CRACD: variants seen among roughly 807,000 people sequenced by gnomAD.
CRACD encodes the protein capping protein inhibiting regulator of actin dynamics.
CRACD carries 56 observed loss-of-function variants against 106.8 expected under a neutral mutation model. That is an observed-to-expected ratio of 0.52 (90% CI 0.42 to 0.66). The LOEUF is 0.66. Ranked by LOEUF, CRACD falls within the 30% of genes least tolerant of loss-of-function variation. The pLI is 0.00. For synonymous variants in CRACD, 754 were observed against 670.8 expected (o/e 1.12, Z -1.92); for missense variants, 1,730 against 1,623.2 (o/e 1.07, Z -1.13).
chr4:56,136,472 A>G (rs1438880000), intron 1 of CRACD, among the ~76,000 whole-genome samples: 1 of 152,140 alleles, frequency 6.6e-6, no homozygotes, highest in African/African-American at 2.4e-5. Flanking sequence ...GTGTCATGGT[A>G]TCTTTTGTGA....
chr4:56,209,825 A>G (rs1193674453), intron 2 of CRACD, among the ~76,000 whole-genome samples: 1 of 152,128 alleles, frequency 6.6e-6, no homozygotes, highest in East Asian at 1.9e-4. Flanking sequence ...GGACACAGGT[A>G]CCCTCCCTAA....
intron 2 of CRACD, among the ~76,000 whole-genome samples, chr4:56,236,646 G>A (rs1739984010): frequency 1.3e-5 from 2 of 151,956 alleles, no homozygotes; most frequent in South Asian, 2.1e-4. Context: ...ACAGGGTGGA[G>A]GGAAGGAAAC....
intron 4 of CRACD, among the ~76,000 whole-genome samples, chr4:56,302,344 T>C (rs1269409803): frequency 6.6e-6 from 1 of 152,182 alleles, no homozygotes; most frequent in Non-Finnish European, 1.5e-5. Context: ...GTGAGGTATG[T>C]ACCAACTGGT....
chr4:56,065,290 A>G (rs558879821), intron 1 of CRACD, among the ~76,000 whole-genome samples: 1 of 151,888 alleles, frequency 6.6e-6, no homozygotes, highest in African/African-American at 2.4e-5. Flanking sequence ...GTTTCACCAT[A>G]TTGGTCAGGC....
At chr4:56,203,750 C>T (rs1053685037) in intron 2 of CRACD, among the ~76,000 whole-genome samples, 8 of 152,168 alleles carry the variant, frequency 5.3e-5, no homozygotes, top group African/African-American at 1.2e-4. Flanking sequence ...ACTTTGGGAC[C>T]GCATTGATTC....
intron 2 of CRACD, among the ~76,000 whole-genome samples, chr4:56,186,516 A>G (rs1737101510): frequency 1.3e-5 from 2 of 152,210 alleles, no homozygotes; most frequent in African/African-American, 4.8e-5. Context: ...AAGAAATAGC[A>G]GAGAGATGGG....
chr4:56,211,415 G>T (rs1738399995), intron 2 of CRACD, among the ~76,000 whole-genome samples: 1 of 152,356 alleles, frequency 6.6e-6, no homozygotes, highest in South Asian at 2.1e-4. Flanking sequence ...CCTGGCTTGT[G>T]CACCAGCTCA....
Position 56,328,183 on chromosome 4 carries a change from A to T in CRACD, c.*379A>T, listed in dbSNP as rs1746586776. 7.4e-6 allele frequency: 3 copies of T among 407,270 alleles called. No individual in the cohort carries two copies. The highest frequency in any genetic ancestry group is 3.1e-5 in the Admixed American group (1 of 32,660). The allele number at this position is 407,270 out of a possible 1,614,324, so 25.2% of individuals were successfully genotyped here. On this transcript the variant is annotated 3_prime_UTR_variant, in exon 11 of 11. Coordinates refer to ENST00000682029, the MANE Select transcript of CRACD (RefSeq NM_001393381.1). The stretch of plus-strand genomic sequence containing the variant: ...CCTTTGGTAATGGTTTTTTGATTCT[A>T]TGCACTAATTTTCTTTGTCCAAAAC...
At chr4:56,309,006 G>A (rs1160447960) in intron 5 of CRACD, 2 of 688,326 alleles carry the variant, frequency 2.9e-6, no homozygotes, top group Non-Finnish European at 4.5e-6. Context: ...ACCCTAATGA[G>A]AGGGTGTAAC....
At chr4:56,227,290 A>T (rs753250) in intron 2 of CRACD, among the ~76,000 whole-genome samples, 1 of 151,954 alleles carries the variant, frequency 6.6e-6, no homozygotes, top group Non-Finnish European at 1.5e-5. Context: ...TCTTCTGAAC[A>T]TGAACATTAT....
intron 1 of CRACD, among the ~76,000 whole-genome samples, chr4:56,130,175 G>A (rs1470624327): frequency 1.3e-5 from 2 of 152,132 alleles, no homozygotes; most frequent in Admixed American, 6.5e-5. Flanking sequence ...GGAGGCTGAG[G>A]TGGGAGGATT....
At chr4:56,275,891 G>C (rs1387109758) in intron 3 of CRACD, among the ~76,000 whole-genome samples, 3 of 152,180 alleles carry the variant, frequency 2.0e-5, no homozygotes, top group African/African-American at 7.2e-5. Flanking sequence ...TGCCCACAAA[G>C]GTTGAGGCCA....
intron 1 of CRACD, among the ~76,000 whole-genome samples, chr4:56,146,120 C>T (rs1735369632): frequency 6.6e-6 from 1 of 152,124 alleles, no homozygotes; most frequent in African/African-American, 2.4e-5. Context: ...AATTTCTGAA[C>T]AAGCTGTCAT....
intron 2 of CRACD, among the ~76,000 whole-genome samples, chr4:56,193,192 T>C (rs1159502688): frequency 6.6e-6 from 1 of 152,114 alleles, no homozygotes; most frequent in Non-Finnish European, 1.5e-5. Flanking sequence ...AACCATCAGA[T>C]CTCGTGAGAC....
At chr4:56,165,357 T>G (rs1736105243) in intron 1 of CRACD, among the ~76,000 whole-genome samples, 1 of 152,158 alleles carries the variant, frequency 6.6e-6, no homozygotes, top group African/African-American at 2.4e-5. Context: ...CAGCTCTCAT[T>G]TATTAAGTGC....
At chr4:56,290,098 G>A (rs1743620163) in intron 3 of CRACD, among the ~76,000 whole-genome samples, 1 of 152,220 alleles carries the variant, frequency 6.6e-6, no homozygotes, top group Admixed American at 6.5e-5. Context: ...CACTAGAGAT[G>A]TGAAGAGCAG....
Position 56,315,551 on chromosome 4 carries a change from G to A in CRACD, c.2049G>A (p.Pro683=), listed in dbSNP as rs183317269. 20 of 1,614,112 alleles carry A rather than the reference G, an allele frequency of 1.2e-5. No homozygotes were observed. Among genetic ancestry groups the A allele is most frequent in the African/African-American group, 6.7e-5 (5 of 75,052 alleles). The part of the protein sequence containing the change: ...SRILKNAESD[P]RSSERDQLRP... Reference sequence around the variant, plus strand: ...TCCTGAAGAACGCAGAGAGTGACCCGCGCAGCAGCGAGAGGGACCAGTTGA... The same window carrying A: ...TCCTGAAGAACGCAGAGAGTGACCCACGCAGCAGCGAGAGGGACCAGTTGA... The change falls in exon 8 of 11, where the codon CCG becomes CCA. Residue 683 remains proline (P), a synonymous_variant. Transcript: ENST00000682029. The surrounding 1 kb of genome is among the most constrained non-coding windows in gnomAD (Gnocchi z 4.1).
chr4:56,120,342 A>G (rs1734442149), intron 1 of CRACD, among the ~76,000 whole-genome samples: 1 of 152,164 alleles, frequency 6.6e-6, no homozygotes, highest in African/African-American at 2.4e-5. Context: ...CCACCCCACA[A>G]TGACAAGCAC....
intron 1 of CRACD, among the ~76,000 whole-genome samples, chr4:56,164,820 T>C (rs1034590367): frequency 2.0e-5 from 3 of 152,320 alleles, no homozygotes; most frequent in East Asian, 3.9e-4. Context: ...AAAACTGTTA[T>C]AGAGTTTCTC....
Sources: allele counts gnomAD v4.1 joint callset (sites outside exome capture counted in the v4.1 genomes callset), GRCh38; gene constraint gnomAD v4.1.1; non-coding constraint Gnocchi (gnomAD v3.1); transcripts MANE v1.5; gene names NCBI Gene and HGNC (gene_info 2026-07-23, HGNC 2026-07-21).